Variants in DACH2 observed in about 807,000 individuals in gnomAD.
DACH2 encodes the protein dachshund homolog 2.
A neutral mutation model predicts 35.8 loss-of-function variants in DACH2; 17 were observed. That is an observed-to-expected ratio of 0.48 (90% CI 0.33 to 0.71). The LOEUF (loss-of-function observed/expected upper bound fraction) is 0.71, where lower values mean the gene tolerates loss of function less well. Ranked by LOEUF, DACH2 falls within the 30% of genes least tolerant of loss-of-function variation. The pLI, the probability that DACH2 is intolerant of heterozygous loss-of-function variation, is 0.02. For missense variants in DACH2, 469 were observed against 472.7 expected, an observed-to-expected ratio of 0.99 and a Z score of 0.07; for synonymous variants, 195 against 177.3, an observed-to-expected ratio of 1.10 and a Z score of -0.79.
intron 3 of DACH2, among the ~76,000 whole-genome samples, chrX:86,546,011 A>G (rs2038950528): frequency 9.2e-6 from 1 of 108,940 alleles, no homozygotes; most frequent in Admixed American, 9.7e-5. Context: ...TATGAAAAAT[A>G]TGGGTGAATT....
intron 1 of DACH2, among the ~76,000 whole-genome samples, chrX:86,283,897 C>CAT (rs1367991813): frequency 2.8e-5 from 3 of 106,177 alleles, no homozygotes; most frequent in African/African-American, 7.4e-5. Context: ...CACACACATA[C>CAT]ACACACACAC....
intron 1 of DACH2, among the ~76,000 whole-genome samples, chrX:86,203,921 C>T (rs1478932756): frequency 9.0e-6 from 1 of 111,491 alleles, no homozygotes; most frequent in Non-Finnish European, 1.9e-5. Flanking sequence ...TAGAGTCTGG[C>T]AAACACGGAG....
intron 1 of DACH2, among the ~76,000 whole-genome samples, chrX:86,216,060 A>G (rs2032563278): frequency 8.9e-6 from 1 of 112,003 alleles, no homozygotes; most frequent in African/African-American, 3.2e-5. Flanking sequence ...TAGTCCAGCA[A>G]TAAGATGATT....
chrX:86,682,866 C>T (rs2040897425), intron 4 of DACH2, among the ~76,000 whole-genome samples: 1 of 111,334 alleles, frequency 9.0e-6, no homozygotes, highest in African/African-American at 3.3e-5. Flanking sequence ...ATTTCCTTAT[C>T]CTTTTTTTCC....
At chrX:86,433,665 T>C (rs752323362) in intron 2 of DACH2, among the ~76,000 whole-genome samples, 5 of 111,538 alleles carry the variant, frequency 4.5e-5, no homozygotes, top group Admixed American at 9.6e-5. Context: ...CAGGCTGTAA[T>C]TGTGGTAAGG....
intron 2 of DACH2, among the ~76,000 whole-genome samples, chrX:86,491,798 C>T (rs965314827): frequency 9.0e-6 from 1 of 111,727 alleles, no homozygotes; most frequent in Non-Finnish European, 1.9e-5. Context: ...TACTCTGCTA[C>T]TTACCTGCTG....
chrX:86,489,468 T>C (rs1211214718), intron 2 of DACH2, among the ~76,000 whole-genome samples: 4 of 111,155 alleles, frequency 3.6e-5, no homozygotes, highest in Non-Finnish European at 7.6e-5. Context: ...TTGTACAACA[T>C]GGTAACTATA....
At chrX:86,582,776 C>T (rs1170735420) in intron 3 of DACH2, among the ~76,000 whole-genome samples, 1 of 109,877 alleles carries the variant, frequency 9.1e-6, no homozygotes, top group African/African-American at 3.3e-5. Flanking sequence ...TAAAGTCTAC[C>T]AGATGTGTAA....
At chrX:86,488,652 T>A (rs2038051294) in intron 2 of DACH2, among the ~76,000 whole-genome samples, 1 of 111,546 alleles carries the variant, frequency 9.0e-6, no homozygotes, top group Non-Finnish European at 1.9e-5. Flanking sequence ...AAGTAATGGA[T>A]TACTCATTAG....
At chrX:86,656,037 C>A (rs755256616) in intron 4 of DACH2, among the ~76,000 whole-genome samples, 14 of 101,068 alleles carry the variant, frequency 1.4e-4, no homozygotes, top group East Asian at 1.3e-3. Context: ...GCTCCCCCCC[C>A]CCACTAATCT....
intron 4 of DACH2, among the ~76,000 whole-genome samples, chrX:86,673,669 G>T (rs894492138): frequency 1.8e-5 from 2 of 111,217 alleles, no homozygotes; most frequent in African/African-American, 6.6e-5. Flanking sequence ...GTAGTGTGAG[G>T]ACATGAGATT....
intron 2 of DACH2, among the ~76,000 whole-genome samples, chrX:86,417,089 CAAAAAAAAAA>C (rs386417185): frequency 8.7e-5 from 2 of 23,036 alleles, no homozygotes; most frequent in African/African-American, 2.0e-4. Flanking sequence ...GACTCCATCT[CAAAAAAAAAA>C]AAAAAAAAAA....
chrX:86,339,038 GAC>G (rs1308887075), intron 1 of DACH2, among the ~76,000 whole-genome samples: 1 of 111,598 alleles, frequency 9.0e-6, no homozygotes, highest in Non-Finnish European at 1.9e-5. Context: ...TCCCTGAATA[GAC>G]CAATAACAAG....
At chrX:86,324,050 T>C (rs939737607) in intron 1 of DACH2, among the ~76,000 whole-genome samples, 3 of 112,100 alleles carry the variant, frequency 2.7e-5, no homozygotes, top group African/African-American at 9.7e-5. Flanking sequence ...CTTTATTGTC[T>C]GGGGTAAATC....
chrX:86,220,520 G>A (rs1208521848), intron 1 of DACH2, among the ~76,000 whole-genome samples: 1 of 111,556 alleles, frequency 9.0e-6, no homozygotes, highest in Non-Finnish European at 1.9e-5. Flanking sequence ...TGTCCTCTAG[G>A]TTCATCTGTG....
intron 2 of DACH2, among the ~76,000 whole-genome samples, chrX:86,427,275 T>C (rs1242925975): frequency 3.6e-5 from 4 of 111,264 alleles, no homozygotes; most frequent in Non-Finnish European, 7.6e-5. Flanking sequence ...GAGATGGGGT[T>C]TTTAGATTTT....
At chrX:86,677,090 C>T (rs1430559117) in intron 4 of DACH2, among the ~76,000 whole-genome samples, 1 of 111,941 alleles carries the variant, frequency 8.9e-6, no homozygotes, top group Non-Finnish European at 1.9e-5. Flanking sequence ...GCATCCTCAA[C>T]TAAATGCCCA....
At position 86,498,893 on chromosome X, in the gene DACH2, TC is replaced by T. The variant is rs2038210324; in HGVS notation, c.528-15385del. On this transcript the variant is annotated intron_variant, in intron 2 of 11. Coordinates refer to ENST00000373125, the MANE Select transcript of DACH2 (RefSeq NM_053281.3). ...GTAAAATAAGTTTTGTCTTTGTTGT[TC>T]TTAATCTAGAATGTTTTGATTTGTA... 4.5e-5 allele frequency among the ~76,000 whole-genome samples: 5 copies of T among 112,179 alleles called. No individual in the cohort carries two copies. The South Asian group carries it at 1.8e-3, about 41-fold the overall frequency.
chrX:86,687,696 G>A (rs2040962321), intron 4 of DACH2, among the ~76,000 whole-genome samples: 1 of 111,688 alleles, frequency 9.0e-6, no homozygotes, highest in South Asian at 3.7e-4. Context: ...TATACACCAT[G>A]GAATACTATG....
Sources: gnomAD v4.1 joint callset for allele counts (sites outside exome capture counted in the v4.1 genomes callset) on GRCh38, gnomAD v4.1.1 for gene constraint, MANE v1.5 for transcripts, NCBI Gene and HGNC (gene_info 2026-07-23, HGNC 2026-07-21) for gene names.